Variants in CCSER1 observed in about 807,000 individuals in gnomAD.
CCSER1 encodes the protein serine-rich coiled-coil domain-containing protein 1.
Under a neutral mutation model 82.0 loss-of-function variants are expected in CCSER1, and 41 were observed. The observed-to-expected ratio is 0.50, with a 90% CI of 0.39 to 0.65. The LOEUF (loss-of-function observed/expected upper bound fraction) is 0.65, where lower values mean the gene tolerates loss of function less well. Among genes scored for constraint, CCSER1 ranks in the 30% least tolerant of loss-of-function variants. The pLI is 0.00. For synonymous variants in CCSER1, 414 were observed against 383.9 expected, an observed-to-expected ratio of 1.08 and a Z score of -0.92; for missense variants, 1,119 against 1,064.2, an observed-to-expected ratio of 1.05 and a Z score of -0.72.
chr4:90,936,327 TG>T (rs143641439), intron 9 of CCSER1, among the ~76,000 whole-genome samples: 7,343 of 152,124 alleles, frequency 0.048, 482 homozygotes, highest in African/African-American at 0.15. Context: ...ATCCCCAGAG[TG>T]GTAAATCATA....
chr4:91,451,283 C>A (rs1755857977), intron 10 of CCSER1, among the ~76,000 whole-genome samples: 1 of 151,932 alleles, frequency 6.6e-6, no homozygotes, highest in Non-Finnish European at 1.5e-5. Context: ...AATTTAAGGG[C>A]TTCAAACATT....
At chr4:90,720,946 T>C (rs1328727419) in intron 6 of CCSER1, among the ~76,000 whole-genome samples, 1 of 151,928 alleles carries the variant, frequency 6.6e-6, no homozygotes, top group Admixed American at 6.6e-5. Flanking sequence ...GCTTGTCAAT[T>C]AAGGAAATTG....
chr4:91,266,233 GT>G (rs372933613), intron 10 of CCSER1, among the ~76,000 whole-genome samples: 1 of 150,906 alleles, frequency 6.6e-6, no homozygotes, highest in African/African-American at 2.4e-5. Context: ...TAAGCTGGTT[GT>G]TTTTTTTGTT....
At position 90,193,342 on chromosome 4, in the gene CCSER1, A is replaced by G. The variant is rs143943537; in HGVS notation, c.-42+65511A>G. On this transcript the variant is annotated intron_variant, in intron 1 of 10. Coordinates refer to ENST00000509176, the MANE Select transcript of CCSER1 (RefSeq NM_001145065.2). The stretch of plus-strand genomic sequence containing the variant: ...GAGTTGCTAAGAGAATGAAAAATCT[A>G]TGGTCGTACTTCACATATTATAGTA... Among the ~76,000 whole-genome samples, 927 of 152,176 alleles carry G rather than the reference A, an allele frequency of 6.1e-3. 13 individuals carry two copies. The highest frequency in any genetic ancestry group is 0.021 in the African/African-American group (870 of 41,542).
chr4:90,219,425 A>C (rs1175753456), intron 1 of CCSER1, among the ~76,000 whole-genome samples: 2 of 152,170 alleles, frequency 1.3e-5, no homozygotes, highest in African/African-American at 4.8e-5. Flanking sequence ...TGAAATATTT[A>C]TCTTGAACGG....
chr4:90,822,524 TG>T (rs1759878191), intron 8 of CCSER1, among the ~76,000 whole-genome samples: 1 of 152,108 alleles, frequency 6.6e-6, no homozygotes, highest in African/African-American at 2.4e-5. Flanking sequence ...GTCAGGAGTT[TG>T]AGTCCAGCAT....
chr4:91,154,122 G>T (rs1377364102), intron 10 of CCSER1, among the ~76,000 whole-genome samples: 14 of 152,034 alleles, frequency 9.2e-5, no homozygotes. Flanking sequence ...AGTCTACAGA[G>T]GCAGGCAGGC....
chr4:90,640,008 A>G (rs1726190188), intron 6 of CCSER1, among the ~76,000 whole-genome samples: 1 of 152,004 alleles, frequency 6.6e-6, no homozygotes, highest in African/African-American at 2.4e-5. Flanking sequence ...GCTAGGAAGA[A>G]CACTAAGAGC....
At chr4:90,792,714 G>A (rs564009050) in intron 7 of CCSER1, among the ~76,000 whole-genome samples, 103 of 152,346 alleles carry the variant, frequency 6.8e-4, no homozygotes, top group African/African-American at 2.3e-3. Flanking sequence ...GTTGCACGTC[G>A]GGGCAGGATA....
chr4:90,270,652 A>G (rs1345891407), intron 1 of CCSER1, among the ~76,000 whole-genome samples: 1 of 152,110 alleles, frequency 6.6e-6, no homozygotes, highest in Non-Finnish European at 1.5e-5. Context: ...TAGAGGAATC[A>G]GACTACTGTC....
intron 10 of CCSER1, among the ~76,000 whole-genome samples, chr4:91,274,321 G>T (rs914697839): frequency 6.6e-6 from 1 of 152,030 alleles, no homozygotes; most frequent in Admixed American, 6.6e-5. Flanking sequence ...TCCTTTCCTT[G>T]TGTCAGAACA....
chr4:90,998,491 T>C (rs1454043516), intron 9 of CCSER1, among the ~76,000 whole-genome samples: 2 of 152,224 alleles, frequency 1.3e-5, no homozygotes, highest in Non-Finnish European at 2.9e-5. Context: ...GCAAAAAATA[T>C]GAAATTACAT....
At chr4:90,405,022 A>G (rs1201929009) in intron 4 of CCSER1, among the ~76,000 whole-genome samples, 4 of 152,180 alleles carry the variant, frequency 2.6e-5, no homozygotes, top group Non-Finnish European at 5.9e-5. Flanking sequence ...GAAATCTCTG[A>G]ATTGCCGTAA....
intron 10 of CCSER1, among the ~76,000 whole-genome samples, chr4:91,360,219 C>T (rs1253921540): frequency 6.6e-6 from 1 of 151,596 alleles, no homozygotes; most frequent in Non-Finnish European, 1.5e-5. Flanking sequence ...TTCTGTTCCC[C>T]GAGTCTGCAA....
chr4:91,522,077 C>G (rs1339637082), intron 10 of CCSER1, among the ~76,000 whole-genome samples: 1 of 152,188 alleles, frequency 6.6e-6, no homozygotes, highest in Non-Finnish European at 1.5e-5. Flanking sequence ...AGGAAGGGAT[C>G]CAGTTTCAGC....
At chr4:90,294,514 T>C (rs753529974) in intron 1 of CCSER1, among the ~76,000 whole-genome samples, 1 of 152,104 alleles carries the variant, frequency 6.6e-6, no homozygotes, top group Non-Finnish European at 1.5e-5. Context: ...AAATTATTTT[T>C]AGAAAAGGCA....
intron 10 of CCSER1, among the ~76,000 whole-genome samples, chr4:91,422,838 T>C (rs1753755440): frequency 6.6e-6 from 1 of 152,158 alleles, no homozygotes; most frequent in Non-Finnish European, 1.5e-5. Flanking sequence ...TCAAGTTCTA[T>C]AACAGTAAAG....
rs539880459 is a variant in CCSER1, at chr4:91,052,994, T to C, written c.2173-32956T>C. ...TGTAGGTGTTCTCCTCTGGTAAGGTTGTTTAGCATATATAAACCACTAAAA... is the reference window on the plus strand; with the variant it reads ...TGTAGGTGTTCTCCTCTGGTAAGGTCGTTTAGCATATATAAACCACTAAAA... On this transcript the variant is annotated intron_variant, in intron 9 of 10. Coordinates refer to ENST00000509176, the MANE Select transcript of CCSER1 (RefSeq NM_001145065.2). Among the ~76,000 whole-genome samples the C allele has an allele frequency of 8.5e-5, 13 of 152,220 alleles. No homozygotes were observed. In the East Asian group the frequency reaches 2.5e-3, roughly 29 times the overall value.
At chr4:90,684,464 T>G (rs1213257161) in intron 6 of CCSER1, among the ~76,000 whole-genome samples, 2 of 152,200 alleles carry the variant, frequency 1.3e-5, no homozygotes, top group African/African-American at 4.8e-5. Context: ...TTATGAGTAC[T>G]TAGAAGGAAT....
Sources: gnomAD v4.1 joint callset for allele counts (sites outside exome capture counted in the v4.1 genomes callset) on GRCh38, gnomAD v4.1.1 for gene constraint, MANE v1.5 for transcripts, NCBI Gene and HGNC (gene_info 2026-07-23, HGNC 2026-07-21) for gene names.